Variants in TRAPPC8 observed in about 807,000 individuals in gnomAD.
The protein encoded by TRAPPC8 is general sporulation gene 1 homolog.
In TRAPPC8, 54 loss-of-function variants were observed where a neutral mutation model predicts 174.3. The observed-to-expected ratio is 0.31, with a 90% confidence interval of 0.25 to 0.39. TRAPPC8 has a LOEUF of 0.39. TRAPPC8 is among the 10% of genes least tolerant of loss of function. The pLI, the probability that TRAPPC8 is intolerant of heterozygous loss-of-function variation, is 1.00. For missense variants in TRAPPC8, 1,531 were observed against 1,699.1 expected, an observed-to-expected ratio of 0.90 and a Z score of 1.74; for synonymous variants, 630 against 579.9, an observed-to-expected ratio of 1.09 and a Z score of -1.24.
chr18:31,854,277 C>CT (rs1385965206), intron 21 of TRAPPC8, among the ~76,000 whole-genome samples: 1 of 152,020 alleles, frequency 6.6e-6, no homozygotes, highest in Non-Finnish European at 1.5e-5. Flanking sequence ...AAAATTATGG[C>CT]ATTTTCTTTT....
rs375259970 is a variant in TRAPPC8, at chr18:31,864,712, T to C, written c.2660A>G (p.Asn887Ser). ...DLEIQGPRLNNTKEEKTSVKY... is the reference protein window; with the variant it reads ...DLEIQGPRLNSTKEEKTSVKY... The stretch of plus-strand genomic sequence containing the variant: ...AACAGATGTTTTCTCTTCTTTTGTG[T>C]TGTTAAGTCGAGGACCTTGAATTTC... Residue 887 changes from asparagine to serine, a missense_variant, in exon 19 of 29, where the codon AAC becomes AGC. Physicochemically the swap from Asn to Ser is conservative, Grantham distance 46. Transcript: ENST00000283351. The C allele has an allele frequency of 1.1e-5, 18 of 1,613,118 alleles. No homozygotes were observed. The Admixed American group carries it at 1.2e-4, about 10-fold the overall frequency.
Position 31,870,842 on chromosome 18 carries a change from T to C in TRAPPC8, c.2257+84A>G, listed in dbSNP as rs2034820771. 3.2e-6 allele frequency: 4 copies of C among 1,264,774 alleles called. No homozygotes were observed. In the South Asian group the frequency reaches 7.3e-5, roughly 23 times the overall value. 78.3% of individuals were successfully genotyped at this position (1,264,774 alleles called of 1,614,324 possible). A position where few individuals can be genotyped will look rare whatever the true frequency, so the allele number is the denominator to read the frequency against. ...TTTATTTTTGCATCCCCAGCACCAATTATGTGTGCCAAACAATAAATTATC... is the reference window on the plus strand; with the variant it reads ...TTTATTTTTGCATCCCCAGCACCAACTATGTGTGCCAAACAATAAATTATC... On this transcript the variant is annotated intron_variant, in intron 15 of 28. Coordinates refer to ENST00000283351, the MANE Select transcript of TRAPPC8 (RefSeq NM_014939.5).
chr18:31,874,774 C>A, intron 12 of TRAPPC8, 70 bp from the exon 13 acceptor site: 1 of 1,312,774 alleles, frequency 7.6e-7, no homozygotes, highest in Admixed American at 2.1e-5. Context: ...CAAATACAAA[C>A]ACACACATAG....
At position 31,917,600 on chromosome 18, in the gene TRAPPC8, T is replaced by C. The variant is rs78292908; in HGVS notation, c.420A>G (p.Glu140=). ...TACATGCTAAATAGTGGTTCAGAAATTCATGATCCAATGCTGGCATCGACT... is the reference window on the plus strand; with the variant it reads ...TACATGCTAAATAGTGGTTCAGAAACTCATGATCCAATGCTGGCATCGACT... ...FLQSMPALDH[E]FLNHYLACML... The change falls in exon 3 of 29, where the codon GAA becomes GAG. Residue 140 remains glutamate, a synonymous_variant. Transcript: ENST00000283351. 872 of 1,613,222 alleles carry C rather than the reference T, an allele frequency of 5.4e-4. 5 individuals carry two copies. The African/African-American group carries it at 0.01, about 19-fold the overall frequency.
intron 12 of TRAPPC8, among the ~76,000 whole-genome samples, chr18:31,875,288 CCA>C (rs1439602124): frequency 1.3e-5 from 2 of 150,160 alleles, no homozygotes; most frequent in Non-Finnish European, 1.5e-5. Context: ...GCCACATATG[CCA>C]CAGTTTTCCA....
Position 31,907,620 on chromosome 18 carries a change from C to T in TRAPPC8, c.1239-10G>A. The stretch of plus-strand genomic sequence containing the variant: ...TGCTTCCGGCGGATACCTGTAAATA[C>T]AAAAGAAAATAATTTATAATTTATT... On this transcript the variant is annotated splice_polypyrimidine_tract_variant and intron_variant, in intron 8 of 28. Coordinates refer to ENST00000283351, the MANE Select transcript of TRAPPC8 (RefSeq NM_014939.5). The T allele has an allele frequency of 6.3e-7, 1 of 1,584,002 alleles. No individual in the cohort carries two copies. Among genetic ancestry groups the T allele is most frequent in the Non-Finnish European group, 8.6e-7 (1 of 1,163,978 alleles).
intron 16 of TRAPPC8, 169 bp downstream of exon 16, chr18:31,870,200 GTTT>G (rs1291943315): frequency 8.2e-6 from 4 of 487,052 alleles, no homozygotes; most frequent in African/African-American, 2.0e-5. Flanking sequence ...TATTCCTTAT[GTTT>G]TTATGTATTT....
chr18:31,929,381 G>A (rs1471675679), intron 2 of TRAPPC8, among the ~76,000 whole-genome samples: 3 of 151,810 alleles, frequency 2.0e-5, no homozygotes, highest in Non-Finnish European at 4.4e-5. Flanking sequence ...TTAAAAATTA[G>A]CCAAGCATGG....
intron 19 of TRAPPC8, among the ~76,000 whole-genome samples, chr18:31,860,769 G>GA (rs1339187809): frequency 6.6e-6 from 1 of 152,086 alleles, no homozygotes; most frequent in Non-Finnish European, 1.5e-5. Flanking sequence ...TCTCTTACAA[G>GA]AAAATACTGA....
chr18:31,881,055 A>G (rs911531127), intron 12 of TRAPPC8, among the ~76,000 whole-genome samples: 6 of 152,136 alleles, frequency 3.9e-5, no homozygotes, highest in African/African-American at 9.7e-5. Context: ...TATAGTTAAA[A>G]TAACTATATT....
At chr18:31,837,994 G>T (rs2032861893) in intron 27 of TRAPPC8, among the ~76,000 whole-genome samples, 1 of 149,140 alleles carries the variant, frequency 6.7e-6, no homozygotes, top group Non-Finnish European at 1.5e-5. Context: ...AAGAGAGACA[G>T]GGTCTTGCTG....
chr18:31,919,987 C>T (rs1197210443), intron 2 of TRAPPC8, among the ~76,000 whole-genome samples: 3 of 152,096 alleles, frequency 2.0e-5, no homozygotes, highest in Non-Finnish European at 4.4e-5. Flanking sequence ...CTAATCTTGT[C>T]ACCCACCACG....
chr18:31,867,903 C>T (rs1001538800), intron 16 of TRAPPC8, among the ~76,000 whole-genome samples: 6 of 151,860 alleles, frequency 4.0e-5, no homozygotes, highest in Admixed American at 6.6e-5. Context: ...TCAAAGATAC[C>T]GCCACCAAGA....
At chr18:31,934,989 A>C (rs2038020265) in intron 1 of TRAPPC8, among the ~76,000 whole-genome samples, 1 of 149,634 alleles carries the variant, frequency 6.7e-6, no homozygotes, top group South Asian at 2.2e-4. Context: ...TAAATAAATA[A>C]AATGTATTTT....
rs147242900 is a variant in TRAPPC8, at chr18:31,902,793, G to A, written c.1390-1768C>T. Among the ~76,000 whole-genome samples the A allele has an allele frequency of 2.1e-3, 322 of 152,158 alleles. 1 individual carries two copies. Among genetic ancestry groups the A allele is most frequent in the African/African-American group, 7.0e-3 (289 of 41,538 alleles). On this transcript the variant is annotated intron_variant, in intron 9 of 28. Transcript: ENST00000283351. The stretch of plus-strand genomic sequence containing the variant: ...TGGCCAGGCGCGGTGGCTCACGCCT[G>A]TAATCCAGCACTTTGGGAGGCCGAG...
In TRAPPC8 at chr18:31,852,602, T is replaced by C. The variant is rs1407312939; in HGVS notation, c.3495A>G (p.Lys1165=). The change falls in exon 23 of 29, where the codon AAA becomes AAG. Residue 1165 remains lysine, a synonymous_variant. Coordinates refer to ENST00000283351, the MANE Select transcript of TRAPPC8 (RefSeq NM_014939.5). ...AAAGTAAAGTGAATTTACCTTCTTCTTTCTCACATCTTATTGCCTTAAAGC... is the reference window on the plus strand; with the variant it reads ...AAAGTAAAGTGAATTTACCTTCTTCCTTCTCACATCTTATTGCCTTAAAGC... ...KFCFKAIRCE[K]EEAATQSSEK... 2 of 1,614,078 alleles carry C rather than the reference T, an allele frequency of 1.2e-6. No individual in the cohort carries two copies. Among genetic ancestry groups the C allele is most frequent in the East Asian group, 2.2e-5 (1 of 44,848 alleles).
At chr18:31,880,542 T>C (rs578095350) in intron 12 of TRAPPC8, among the ~76,000 whole-genome samples, 94 of 152,116 alleles carry the variant, frequency 6.2e-4, no homozygotes, top group African/African-American at 2.1e-3. Context: ...GCCAAAATCA[T>C]ATTGAATGGG....
At chr18:31,890,547 C>T (rs2035908981) in intron 12 of TRAPPC8, among the ~76,000 whole-genome samples, 188 bp downstream of exon 12, 1 of 152,034 alleles carries the variant, frequency 6.6e-6, no homozygotes. Flanking sequence ...GTAGCTTGAC[C>T]AAAGTTGTGA....
chr18:31,938,666 C>T (rs1021917935), intron 1 of TRAPPC8, among the ~76,000 whole-genome samples: 12 of 152,190 alleles, frequency 7.9e-5, no homozygotes, highest in African/African-American at 2.9e-4. Flanking sequence ...ACCTACAGGC[C>T]AGAAATTGAG....
Sources: gnomAD v4.1 joint callset for allele counts (sites outside exome capture counted in the v4.1 genomes callset) on GRCh38, gnomAD v4.1.1 for gene constraint, MANE v1.5 for transcripts, NCBI Gene and HGNC (gene_info 2026-07-23, HGNC 2026-07-21) for gene names.